TPTE2: variants seen among roughly 807,000 people sequenced by gnomAD.
TPTE2 encodes the protein transmembrane phosphoinositide 3-phosphatase and tensin homolog 2, also known as phosphatidylinositol 3,4,5-trisphosphate 3-phosphatase TPTE2.
Under a neutral mutation model 78.6 loss-of-function variants are expected in TPTE2, and 53 were observed. The ratio of observed to expected loss-of-function variants is 0.67; its 90% confidence interval spans 0.54 to 0.85. The LOEUF (loss-of-function observed/expected upper bound fraction) is 0.85, where lower values mean the gene tolerates loss of function less well. Among genes scored for constraint, TPTE2 ranks in the 40% least tolerant of loss-of-function variants. TPTE2 has a pLI of 0.00. For synonymous variants in TPTE2, 175 were observed against 206.2 expected (o/e 0.85, Z 1.30); for missense variants, 461 against 623.0 (o/e 0.74, Z 2.77).
At chr13:19,546,465 G>A in the TPTE2 span, among the ~76,000 whole-genome samples, 3 of 146,966 alleles carry the variant, frequency 2.0e-5, no homozygotes, top group East Asian at 2.0e-4. Context: ...TTTGATTTTT[G>A]GGTTTTTTTT....
At chr13:19,553,995 C>A in the TPTE2 span, among the ~76,000 whole-genome samples, 12 of 152,248 alleles carry the variant, frequency 7.9e-5, no homozygotes, top group African/African-American at 2.9e-4. Context: ...CCTTGGCTAC[C>A]TTTTTCCCTA....
At chr13:19,432,908 T>C (rs563312005) in intron 15 of TPTE2, among the ~76,000 whole-genome samples, 1 of 152,278 alleles carries the variant, frequency 6.6e-6, no homozygotes, top group Admixed American at 6.5e-5. Context: ...AGCTTAGTTG[T>C]GACTGAGTTA....
chr13:19,527,017 A>T (rs959313475), intron 1 of TPTE2, among the ~76,000 whole-genome samples: 2 of 152,128 alleles, frequency 1.3e-5, no homozygotes, highest in African/African-American at 2.4e-5. Flanking sequence ...AATAAACATT[A>T]AAAAAAGGCC....
At chr13:19,505,078 A>C (rs918880638), upstream of TPTE2, among the ~76,000 whole-genome samples, 3 of 152,130 alleles carry the variant, frequency 2.0e-5, no homozygotes, top group Admixed American at 2.0e-4. Flanking sequence ...AAACAGCTAC[A>C]GTTACTCTAT....
At chr13:19,528,499 T>G (rs1488540911) in intron 1 of TPTE2, among the ~76,000 whole-genome samples, 19 of 152,244 alleles carry the variant, frequency 1.2e-4, no homozygotes. Context: ...TTACTAATTT[T>G]TATTTTATTT....
chr13:19,467,299 G>A, exon 7 of TPTE2: 1 of 1,585,752 alleles, frequency 6.3e-7, no homozygotes, highest in Non-Finnish European at 8.5e-7. Flanking sequence ...TCACAATAAT[G>A]GCAGTATCTA....
intron 1 of TPTE2, among the ~76,000 whole-genome samples, chr13:19,533,711 T>C (rs1871022168): frequency 6.6e-6 from 1 of 152,216 alleles, no homozygotes. Flanking sequence ...AACAGGCTGA[T>C]AGATTGTTAT....
At chr13:19,496,517 G>C (rs1250167087) in intron 1 of TPTE2, among the ~76,000 whole-genome samples, 1 of 152,166 alleles carries the variant, frequency 6.6e-6, no homozygotes, top group Admixed American at 6.5e-5. Flanking sequence ...ACACAGGCTA[G>C]TAGCTGTGGG....
chr13:19,547,214 T>TG, the TPTE2 span, among the ~76,000 whole-genome samples: 2 of 152,158 alleles, frequency 1.3e-5, no homozygotes, highest in African/African-American at 4.8e-5. Context: ...CCCAACATTC[T>TG]GGGAGGCTGA....
At chr13:19,449,065 T>C (rs1489443683) in intron 13 of TPTE2, among the ~76,000 whole-genome samples, 3 of 152,172 alleles carry the variant, frequency 2.0e-5, no homozygotes, top group Admixed American at 6.5e-5. Flanking sequence ...CTCACTTATT[T>C]GTGGAATCTA....
the TPTE2 span, among the ~76,000 whole-genome samples, chr13:19,559,663 C>T: frequency 6.6e-6 from 1 of 151,530 alleles, no homozygotes; most frequent in East Asian, 2.0e-4. Flanking sequence ...GCATCACCCA[C>T]TGGGAGACTG....
At chr13:19,478,275 A>G (rs1195099566) in intron 4 of TPTE2, among the ~76,000 whole-genome samples, 3 of 152,136 alleles carry the variant, frequency 2.0e-5, no homozygotes, top group Non-Finnish European at 4.4e-5. Context: ...ACAAAGGGCT[A>G]ATATCCAGAA....
At chr13:19,544,215 C>G in the TPTE2 span, among the ~76,000 whole-genome samples, 14 of 151,980 alleles carry the variant, frequency 9.2e-5, no homozygotes, top group African/African-American at 3.4e-4. Flanking sequence ...CAACTATATG[C>G]TGTTCATAAG....
At chr13:19,511,917 A>G (rs555746506) in intron 1 of TPTE2, among the ~76,000 whole-genome samples, 2 of 152,336 alleles carry the variant, frequency 1.3e-5, no homozygotes, top group South Asian at 4.1e-4. Flanking sequence ...ATAAAAATCA[A>G]TGAATGCTAA....
intron 1 of TPTE2, among the ~76,000 whole-genome samples, chr13:19,534,931 G>A (rs560086915): frequency 3.3e-5 from 5 of 152,212 alleles, no homozygotes; most frequent in Admixed American, 1.3e-4. Context: ...TGCTGGGCAC[G>A]GTGGCTCATG....
upstream of TPTE2, among the ~76,000 whole-genome samples, chr13:19,504,001 A>G (rs1299099376): frequency 1.3e-5 from 2 of 151,924 alleles, no homozygotes; most frequent in African/African-American, 2.4e-5. Context: ...CGGCCTCCCA[A>G]AGTGCTGGGA....
At chr13:19,510,925 C>T (rs943328925) in intron 1 of TPTE2, among the ~76,000 whole-genome samples, 14 of 152,114 alleles carry the variant, frequency 9.2e-5, no homozygotes, top group African/African-American at 2.7e-4. Context: ...AATATGTTAC[C>T]ATCTATTAGA....
rs538886617 is a variant in TPTE2, at chr13:19,425,470, C to G, written c.1396-453G>C. ...TCAGCAGTTTCCAGTTCACCTCCTC[C>G]CAGTTTCTCCATGTGACTGATCCTG... On this transcript the variant is annotated intron_variant, in intron 18 of 19. Transcript: ENST00000400230. 2.1e-4 allele frequency among the ~76,000 whole-genome samples: 32 copies of G among 152,264 alleles called. No homozygotes were observed. The South Asian group carries it at 4.4e-3, about 21-fold the overall frequency.
rs1881127328 is a variant in TPTE2, at chr13:19,493,433, CTATT to C, written c.65+11_65+14del. ...TATGCTGACGGGTGACTTTATTTAACTATTTATTACTTACCTTTCTTTCGCAGGT... is the reference window on the plus strand; with the variant it reads ...TATGCTGACGGGTGACTTTATTTAACTATTACTTACCTTTCTTTCGCAGGT... On this transcript the variant is annotated intron_variant, in intron 2 of 19. Transcript: ENST00000400230. 1 of 1,613,424 alleles carries C rather than the reference CTATT, an allele frequency of 6.2e-7. No homozygotes were observed. The highest frequency in any genetic ancestry group is 1.1e-5 in the South Asian group (1 of 91,050).
Sources: gnomAD v4.1 joint callset for allele counts (sites outside exome capture counted in the v4.1 genomes callset) on GRCh38, gnomAD v4.1.1 for gene constraint, MANE v1.5 for transcripts, NCBI Gene and HGNC (gene_info 2026-07-23, HGNC 2026-07-21) for gene names.